Variants in GAB1 observed in about 807,000 individuals in gnomAD.
The protein encoded by GAB1 is GRB2 associated binding protein 1, also known as GRB2-associated-binding protein 1.
In GAB1, 19 loss-of-function variants were observed where a neutral mutation model predicts 66.5. That is an observed-to-expected ratio of 0.29 (90% CI 0.20 to 0.42). The LOEUF (loss-of-function observed/expected upper bound fraction) is 0.42. GAB1 is among the 10% of genes least tolerant of loss of function. The pLI is 1.00. For synonymous variants in GAB1, 294 were observed against 301.4 expected, an observed-to-expected ratio of 0.98 and a Z score of 0.25; for missense variants, 732 against 858.5, an observed-to-expected ratio of 0.85 and a Z score of 1.84.
intron 9 of GAB1, among the ~76,000 whole-genome samples, chr4:143,466,608 G>A (rs539737324): frequency 6.9e-6 from 1 of 145,494 alleles, no homozygotes; most frequent in East Asian, 2.1e-4. Context: ...TCCTGCCTCA[G>A]CCTCCCAAAT....
intron 1 of GAB1, among the ~76,000 whole-genome samples, chr4:143,390,800 G>C (rs1469369475): frequency 2.0e-5 from 3 of 152,132 alleles, no homozygotes; most frequent in Admixed American, 2.0e-4. Flanking sequence ...CAGGCACCCA[G>C]ATTTCTTCCA....
intron 1 of GAB1, among the ~76,000 whole-genome samples, chr4:143,373,471 T>C (rs1348132120): frequency 6.6e-6 from 1 of 152,170 alleles, no homozygotes; most frequent in African/African-American, 2.4e-5. Context: ...CCAAACATTT[T>C]GAAAAATGAA....
chr4:143,349,499 C>T (rs559380408), intron 1 of GAB1: 205 of 1,533,652 alleles, frequency 1.3e-4, no homozygotes, highest in African/African-American at 2.6e-4. Flanking sequence ...TAGCAGTCAT[C>T]GATACCAGCC....
At chr4:143,388,839 G>A (rs1046076765) in intron 1 of GAB1, among the ~76,000 whole-genome samples, 3 of 152,226 alleles carry the variant, frequency 2.0e-5, no homozygotes, top group Admixed American at 6.5e-5. Context: ...ACCTGAAGCA[G>A]TATTTAAATA....
chr4:143,368,369 G>GT (rs1476743118), intron 1 of GAB1, among the ~76,000 whole-genome samples: 1 of 152,152 alleles, frequency 6.6e-6, no homozygotes, highest in Non-Finnish European at 1.5e-5. Flanking sequence ...TTCTTACACT[G>GT]TGCTGTATTT....
chr4:143,380,220 G>A (rs1730601377), intron 1 of GAB1, among the ~76,000 whole-genome samples: 1 of 151,748 alleles, frequency 6.6e-6, no homozygotes, highest in African/African-American at 2.4e-5. Flanking sequence ...TACATTCTGT[G>A]TACAAAAGTC....
At position 143,460,369 on chromosome 4, in the gene GAB1, C is replaced by T; in HGVS notation, c.1685C>T (p.Ser562Phe). Residue 562 changes from serine to phenylalanine, a missense_variant, in exon 8 of 10, where the codon TCC becomes TTC. This residue lies in a region of GAB1 where 204 missense variants were observed against 276.8 expected (regional missense o/e 0.74). Transcript: ENST00000262994. The stretch of plus-strand genomic sequence containing the variant: ...ATGATAATTTCTGTAATTAGCTCTT[C>T]CAGGTTTCCCATGTCCCCCCGACCA... ...PITRSFARDS[S>F]RFPMSPRPDS... 1 of 1,613,546 alleles carries T rather than the reference C, an allele frequency of 6.2e-7. No homozygotes were observed. The highest frequency in any genetic ancestry group is 8.5e-7 in the Non-Finnish European group (1 of 1,179,652).
intron 1 of GAB1, among the ~76,000 whole-genome samples, chr4:143,405,949 G>T (rs2149705866): frequency 6.6e-6 from 1 of 151,768 alleles, no homozygotes; most frequent in Non-Finnish European, 1.5e-5. Context: ...AAACCATGGG[G>T]AGAAAAAAAA....
intron 1 of GAB1, among the ~76,000 whole-genome samples, chr4:143,340,005 G>A (rs1386241115): frequency 2.0e-5 from 3 of 151,684 alleles, no homozygotes; most frequent in Non-Finnish European, 4.4e-5. Flanking sequence ...AGCATGGAGT[G>A]TAATGAGTTA....
At chr4:143,450,105 A>C (rs1330142183) in intron 6 of GAB1, among the ~76,000 whole-genome samples, 1 of 152,202 alleles carries the variant, frequency 6.6e-6, no homozygotes, top group African/African-American at 2.4e-5. Context: ...AAAGGAAATA[A>C]GTATGGAGTG....
intron 6 of GAB1, among the ~76,000 whole-genome samples, chr4:143,445,667 G>C (rs1030070316): frequency 3.3e-5 from 5 of 152,014 alleles, no homozygotes; most frequent in Admixed American, 6.6e-5. Flanking sequence ...AGTTTCTTGA[G>C]GGTTATTATC....
At chr4:143,461,622 A>G (rs1315265980) in intron 8 of GAB1, among the ~76,000 whole-genome samples, 2 of 152,228 alleles carry the variant, frequency 1.3e-5, no homozygotes, top group Non-Finnish European at 2.9e-5. Context: ...GCTAGAAAAC[A>G]TAGACTTAGA....
At chr4:143,439,501 G>A (rs1348029342) in intron 4 of GAB1, 8 of 301,440 alleles carry the variant, frequency 2.7e-5, no homozygotes, top group Admixed American at 2.7e-4. Context: ...TGGTGCAAAC[G>A]ATGAGAAAAT....
rs1730772475 is a variant in GAB1 at position 143,383,966 on chromosome 4, A to T, written c.73-31511A>T. The stretch of plus-strand genomic sequence containing the variant: ...AACACTCCCATAGTCCTAGCTACTT[A>T]GGAGGCTGAGGTCAAAGGATTGCTT... On this transcript the variant is annotated intron_variant, in intron 1 of 9. Transcript: ENST00000262994. Among the ~76,000 whole-genome samples, 2 of 152,162 alleles carry T rather than the reference A, an allele frequency of 1.3e-5. 1 individual carries two copies. Among genetic ancestry groups the T allele is most frequent in the African/African-American group, 4.8e-5 (2 of 41,466 alleles).
chr4:143,434,169 G>A, intron 3 of GAB1: 1 of 1,278,558 alleles, frequency 7.8e-7, no homozygotes, highest in Non-Finnish European at 1.0e-6. Flanking sequence ...TTCCATTGCA[G>A]TGAGTGTGTT....
At chr4:143,410,017 A>G (rs1164071985) in intron 1 of GAB1, among the ~76,000 whole-genome samples, 1 of 151,740 alleles carries the variant, frequency 6.6e-6, no homozygotes, top group Admixed American at 6.6e-5. Flanking sequence ...CCCATACACT[A>G]CAATTTAGTT....
intron 9 of GAB1, 132 bp downstream of exon 9, chr4:143,466,357 C>A (rs1399672599): frequency 2.6e-6 from 2 of 768,404 alleles, no homozygotes; most frequent in Non-Finnish European, 3.8e-6. Flanking sequence ...CTACTTGATG[C>A]TATCTCATAA....
At chr4:143,378,629 GTC>G (rs3049720) in intron 1 of GAB1, among the ~76,000 whole-genome samples, 36,514 of 128,766 alleles carry the variant, frequency 0.28, 5,083 homozygotes, top group East Asian at 0.46. Flanking sequence ...CTTCCAAAGT[GTC>G]TCTCTCTCTC....
In GAB1 at chr4:143,355,233, A is replaced by G. The variant is rs1729396076; in HGVS notation, c.72+17973A>G. 2.0e-5 allele frequency among the ~76,000 whole-genome samples: 3 copies of G among 152,176 alleles called. No individual in the cohort carries two copies. The South Asian group carries it at 6.2e-4, about 32-fold the overall frequency. ...CAGCTGGTTTCAGCATGCAGAGATA[A>G]GACTAGAACACAGCTTCCTGATGCC... On this transcript the variant is annotated intron_variant, in intron 1 of 9. Coordinates refer to ENST00000262994, the MANE Select transcript of GAB1 (RefSeq NM_002039.4).
Sources: gnomAD v4.1 joint callset for allele counts (sites outside exome capture counted in the v4.1 genomes callset) on GRCh38, gnomAD v4.1.1 for gene constraint, gnomAD v4.1.1 regional missense constraint, MANE v1.5 for transcripts, NCBI Gene and HGNC (gene_info 2026-07-23, HGNC 2026-07-21) for gene names.